Variants in KIF2C observed in about 807,000 individuals in gnomAD.
The protein encoded by KIF2C is kinesin-like protein KIF2C.
KIF2C carries 34 observed loss-of-function variants against 97.4 expected under a neutral mutation model. The ratio of observed to expected loss-of-function variants is 0.35; its 90% CI spans 0.27 to 0.46. KIF2C has a LOEUF of 0.46. Ranked by LOEUF, KIF2C falls within the 20% of genes least tolerant of loss-of-function variation. The probability of loss-of-function intolerance (pLI) is 1.00; values close to 1 mark genes in which losing one functional copy is unlikely to be tolerated. For synonymous variants in KIF2C, 313 were observed against 318.2 expected (o/e 0.98, Z 0.17); for missense variants, 750 against 907.6 (o/e 0.83, Z 2.23).
At chr1:44,758,169 C>T (rs1649942030) in intron 13 of KIF2C, 29 bp downstream of exon 13, 2 of 1,589,714 alleles carry the variant, frequency 1.3e-6, no homozygotes, top group African/African-American at 1.3e-5. Flanking sequence ...CTTGTTTACA[C>T]TGTTGGGGCC....
chr1:44,754,173 G>C (rs1382289256), intron 7 of KIF2C, among the ~76,000 whole-genome samples: 1 of 151,818 alleles, frequency 6.6e-6, no homozygotes, highest in Admixed American at 6.6e-5. Flanking sequence ...TGGAATGCTT[G>C]GCCTTCCAAA....
intron 17 of KIF2C, 76 bp downstream of exon 17, chr1:44,762,059 C>T: frequency 1.5e-6 from 2 of 1,331,088 alleles, no homozygotes. Flanking sequence ...GGGGAGGAGG[C>T]TCTGGGGCCT....
chr1:44,762,682 G>T (rs761300189), intron 19 of KIF2C, 24 bp downstream of exon 19: 3 of 1,516,764 alleles, frequency 2.0e-6, no homozygotes, highest in South Asian at 2.2e-5. Context: ...CCTGGACAGG[G>T]AGCTGGATGC....
chr1:44,765,233 G>T (rs1276377103), intron 19 of KIF2C, among the ~76,000 whole-genome samples: 1 of 152,120 alleles, frequency 6.6e-6, no homozygotes, highest in Non-Finnish European at 1.5e-5. Flanking sequence ...AGACCAGCCT[G>T]GGTAACATGG....
At chr1:44,747,755 T>C in intron 4 of KIF2C, 55 bp downstream of exon 4, 1 of 1,526,106 alleles carries the variant, frequency 6.6e-7, no homozygotes, top group Non-Finnish European at 9.0e-7. Flanking sequence ...GAATTATGTT[T>C]CTAGGACTCA....
intron 2 of KIF2C, 77 bp from the exon 3 acceptor site, chr1:44,747,307 C>CAA (rs34903658): frequency 2.6e-3 from 2,545 of 985,628 alleles, no homozygotes; most frequent in African/African-American, 3.8e-3. Flanking sequence ...TACTCTGTCT[C>CAA]AAAAAAAAAA....
chr1:44,760,545 C>A lies in KIF2C; in HGVS notation c.1573-47C>A, dbSNP rs373536795. 9.9e-6 allele frequency: 16 copies of A among 1,610,612 alleles called. No homozygotes were observed. The highest frequency in any genetic ancestry group is 1.6e-4 in the Middle Eastern group (1 of 6,082). The stretch of plus-strand genomic sequence containing the variant: ...CTACTGGGAAGGGATGGGGAGGGAT[C>A]AGTGCAAGGAAAGAAGGGACCTCAG... On this transcript the variant is annotated intron_variant, in intron 15 of 20. Transcript: ENST00000372224. This position sits in a 1 kb window ranked among gnomAD's most constrained non-coding sequence, Gnocchi z 4.2.
At chr1:44,766,194 C>T (rs928428784) in intron 19 of KIF2C, among the ~76,000 whole-genome samples, 4 of 152,150 alleles carry the variant, frequency 2.6e-5, no homozygotes, top group Non-Finnish European at 5.9e-5. Flanking sequence ...CACCACTTCA[C>T]TCCAGCCTGG....
chr1:44,750,308 G>C (rs1417941816), intron 4 of KIF2C, 134 bp from the exon 5 acceptor site: 1 of 945,426 alleles, frequency 1.1e-6, no homozygotes, highest in Non-Finnish European at 1.4e-6. Flanking sequence ...TCCTTTCTAA[G>C]GAATATGGGA....
At chr1:44,746,859 A>G in intron 2 of KIF2C, 2 of 1,178,894 alleles carry the variant, frequency 1.7e-6, no homozygotes, top group Non-Finnish European at 2.4e-6. Context: ...CCCTGTCTAT[A>G]GAAATTTAAT....
At chr1:44,763,333 GGAA>G (rs1207470147) in intron 19 of KIF2C, among the ~76,000 whole-genome samples, 10 of 152,180 alleles carry the variant, frequency 6.6e-5, no homozygotes, top group Non-Finnish European at 1.5e-4. Flanking sequence ...AGAGCAGGAA[GGAA>G]GAACTTGGGG....
At chr1:44,763,181 TAA>T (rs951160003) in intron 19 of KIF2C, among the ~76,000 whole-genome samples, 21 of 152,040 alleles carry the variant, frequency 1.4e-4, no homozygotes, top group African/African-American at 4.8e-4. Context: ...AATATGCTTA[TAA>T]AGTGTCAGCA....
chr1:44,759,200 G>A lies in KIF2C; in HGVS notation c.1225-6G>A. 1 of 1,613,852 alleles carries A rather than the reference G, an allele frequency of 6.2e-7. No individual in the cohort carries two copies. Among genetic ancestry groups the A allele is most frequent in the Non-Finnish European group, 8.5e-7 (1 of 1,179,926 alleles). The stretch of plus-strand genomic sequence containing the variant: ...GCCTTAGCCTCATTCCCCCTGCCTG[G>A]CACAGCTGTTTGACCTGCTCAACAA... On this transcript the variant is annotated splice_polypyrimidine_tract_variant and splice_region_variant and intron_variant, in intron 13 of 20. Coordinates refer to ENST00000372224, the MANE Select transcript of KIF2C (RefSeq NM_006845.4).
At chr1:44,757,297 T>C in intron 10 of KIF2C, among the ~76,000 whole-genome samples, 1 of 152,166 alleles carries the variant, frequency 6.6e-6, no homozygotes, top group East Asian at 1.9e-4. Context: ...AAAGGTCAGA[T>C]GGCTTAGAGT....
In KIF2C at chr1:44,753,147, C is replaced by A; in HGVS notation, c.455C>A (p.Pro152His). ...TCCCCTACAGCTGCCCCCACTAGGC[C>A]TTCCTGCCCTGCAGTGGCTGAAATA... ...QFSVPPAPTR[P>H]SCPAVAEIPL... Residue 152 changes from proline to histidine, a missense_variant, in exon 6 of 21, where the codon CCT (proline) becomes CAT (histidine). Transcript: ENST00000372224. 1 of 1,612,928 alleles carries A rather than the reference C, an allele frequency of 6.2e-7. No homozygotes were observed. Among genetic ancestry groups the A allele is most frequent in the African/African-American group, 1.3e-5 (1 of 75,008 alleles).
chr1:44,760,529 A>G lies in KIF2C; in HGVS notation c.1572+45A>G. On this transcript the variant is annotated intron_variant, in intron 15 of 20. Transcript: ENST00000372224. This position sits in a 1 kb window ranked among gnomAD's most constrained non-coding sequence, Gnocchi z 4.2. The stretch of plus-strand genomic sequence containing the variant: ...TGGTTGGCCGGGAGAGCTACTGGGA[A>G]GGGATGGGGAGGGATCAGTGCAAGG... The G allele has an allele frequency of 6.2e-7, 1 of 1,611,398 alleles. No individual in the cohort carries two copies. The highest frequency in any genetic ancestry group is 8.5e-7 in the Non-Finnish European group (1 of 1,178,390).
Position 44,767,364 on chromosome 1 carries a change from C to A in KIF2C, c.*185C>A. The A allele has an allele frequency of 1.8e-6, 1 of 555,266 alleles. No individual in the cohort carries two copies. 34.4% of individuals were successfully genotyped at this position (555,266 alleles called of 1,614,324 possible). A position where few individuals can be genotyped will look rare whatever the true frequency, so the allele number is the denominator to read the frequency against. On this transcript the variant is annotated 3_prime_UTR_variant, in exon 21 of 21. Coordinates refer to ENST00000372224, the MANE Select transcript of KIF2C (RefSeq NM_006845.4). ...GGGGTCAGAGTGACATGGGACACTC[C>A]TTTTCTGTTCCTCAGTTGTCGCCCT... is the stretch of plus-strand genomic sequence containing the variant.
At chr1:44,756,338 GCT>G (rs2148829112) in intron 10 of KIF2C, 101 bp downstream of exon 10, 11 of 1,196,430 alleles carry the variant, frequency 9.2e-6, no homozygotes, top group Middle Eastern at 3.9e-4. Context: ...GAATTCTGAG[GCT>G]CTTCCTCGCT....
chr1:44,739,955 A>C lies in KIF2C; in HGVS notation c.23A>C (p.Gln8Pro). ...CGAATGGCCATGGACTCGTCGCTTC[A>C]GGCCCGCCTGTTTCCCGGTCTCGCT... MAMDSSL[Q>P]ARLFPGLAIK... Residue 8 changes from glutamine to proline, a missense_variant, in exon 1 of 21, where the codon CAG (glutamine) becomes CCG (proline). Transcript: ENST00000372224. 6.2e-7 allele frequency: 1 copy of C among 1,614,212 alleles called. No individual in the cohort carries two copies. Among genetic ancestry groups the C allele is most frequent in the Non-Finnish European group, 8.5e-7 (1 of 1,180,042 alleles).
Sources: gnomAD v4.1 joint callset for allele counts (sites outside exome capture counted in the v4.1 genomes callset) on GRCh38, gnomAD v4.1.1 for gene constraint, Gnocchi (gnomAD v3.1) non-coding constraint, MANE v1.5 for transcripts, NCBI Gene and HGNC (gene_info 2026-07-23, HGNC 2026-07-21) for gene names.